CCDC42: variants seen among roughly 807,000 people sequenced by gnomAD.
CCDC42 encodes the protein coiled-coil domain containing 42.
CCDC42 carries 38 observed loss-of-function variants against 40.8 expected under a neutral mutation model. The observed-to-expected ratio is 0.93, with a 90% confidence interval of 0.72 to 1.22. The LOEUF is 1.22. CCDC42 is among the 50% of genes most tolerant of loss of function. The probability of loss-of-function intolerance (pLI) is 0.00; values close to 1 mark genes in which losing one functional copy is unlikely to be tolerated. For synonymous variants in CCDC42, 135 were observed against 157.5 expected, an observed-to-expected ratio of 0.86 and a Z score of 1.07; for missense variants, 379 against 416.5, an observed-to-expected ratio of 0.91 and a Z score of 0.78.
chr17:8,735,343 C>T lies in CCDC42; in HGVS notation c.714+47G>A, dbSNP rs777362328. 27 of 1,611,126 alleles carry T rather than the reference C, an allele frequency of 1.7e-5. No homozygotes were observed. Among genetic ancestry groups the T allele is most frequent in the Middle Eastern group, 1.6e-4 (1 of 6,064 alleles). ...TGTGTGTGTGTATGCTCAGGGCCCG[C>T]ACTCACCCAGTGCCTGGGAGCCCCC... On this transcript the variant is annotated intron_variant, in intron 5 of 6. Transcript: ENST00000293845. This position sits in a 1 kb window ranked among gnomAD's most constrained non-coding sequence, Gnocchi z 4.7.
At position 8,735,218 on chromosome 17, in the gene CCDC42, T is replaced by A. The variant is rs780725519; in HGVS notation, c.751A>T (p.Lys251Ter). 85 of 1,613,992 alleles carry A rather than the reference T, an allele frequency of 5.3e-5. No individual in the cohort carries two copies. The highest frequency in any genetic ancestry group is 3.2e-4 in the Admixed American group (19 of 60,000). Residue 251 changes from lysine to a stop codon, truncating the protein, a stop_gained, in exon 6 of 7, where the codon AAG (lysine) becomes TAG (stop). Coordinates refer to ENST00000293845, the MANE Select transcript of CCDC42 (RefSeq NM_144681.3). LOFTEE classifies it high-confidence loss of function. The surrounding 1 kb of genome is among the most constrained non-coding windows in gnomAD (Gnocchi z 4.7). ...ATGGTGCCAAGCAGGAGGGTCTTCT[T>A]GGCTGCGGTGTTCTGGATGTGCGCC... ...RWAHIQNTAA[K>*]KTLLLGTIKM...
chr17:8,739,699 C>T (rs753033374), intron 4 of CCDC42, among the ~76,000 whole-genome samples: 8 of 152,150 alleles, frequency 5.3e-5, no homozygotes, highest in Non-Finnish European at 1.0e-4. Flanking sequence ...CTTGCCATCA[C>T]GGCCAGCTAG....
intron 6 of CCDC42, among the ~76,000 whole-genome samples, chr17:8,732,297 TCAA>T (rs1301501130): frequency 3.4e-5 from 1 of 29,650 alleles, no homozygotes; most frequent in African/African-American, 1.7e-4. Context: ...AGACTCCGTC[TCAA>T]AAAAAAAAAA....
chr17:8,730,229 CG>C (rs2086571780), intron 6 of CCDC42, 22 bp from the exon 7 acceptor site: 1 of 1,600,640 alleles, frequency 6.2e-7, no homozygotes, highest in African/African-American at 1.3e-5. Flanking sequence ...AGGAGCCCAG[CG>C]TTAACTCCGC....
intron 6 of CCDC42, among the ~76,000 whole-genome samples, chr17:8,734,811 G>A (rs977766447): frequency 6.6e-6 from 1 of 152,150 alleles, no homozygotes; most frequent in Non-Finnish European, 1.5e-5. Flanking sequence ...AAAGGGTTTC[G>A]GTGCTAATGC....
chr17:8,734,581 TC>T (rs562645172), intron 6 of CCDC42, among the ~76,000 whole-genome samples: 197 of 151,982 alleles, frequency 1.3e-3, no homozygotes, highest in African/African-American at 4.6e-3. Context: ...GGCCTGGAAC[TC>T]CCAACCTCAG....
intron 4 of CCDC42, among the ~76,000 whole-genome samples, chr17:8,738,466 T>G (rs2086624205): frequency 1.7e-5 from 1 of 57,214 alleles, no homozygotes; most frequent in African/African-American, 5.3e-5. Flanking sequence ...GATTTGAGAT[T>G]TTTTTTTTTT....
At chr17:8,730,779 G>A (rs143932724) in intron 6 of CCDC42, among the ~76,000 whole-genome samples, 13 of 152,302 alleles carry the variant, frequency 8.5e-5, no homozygotes, top group Non-Finnish European at 1.8e-4. Flanking sequence ...GGTGATGTAT[G>A]AAGTCCAGGC....
rs73977407 is a variant in CCDC42, at chr17:8,743,966, C to T, written c.189+113G>A. On this transcript the variant is annotated intron_variant, in intron 2 of 6. Transcript: ENST00000293845. ...AGAGACCAGATCACCATAGAGGACT[C>T]CTGGCTCTAGCCACCCCACTCAGAC... 16 of 818,584 alleles carry T rather than the reference C, an allele frequency of 2.0e-5. No individual in the cohort carries two copies. In the South Asian group the frequency reaches 2.5e-4, roughly 13 times the overall value. The allele number at this position is 818,584 out of a possible 1,614,324, so 50.7% of individuals were successfully genotyped here.
Position 8,735,032 on chromosome 17 carries a change from A to G in CCDC42, c.873+64T>C. On this transcript the variant is annotated intron_variant, in intron 6 of 6. Transcript: ENST00000293845. The surrounding 1 kb of genome is among the most constrained non-coding windows in gnomAD (Gnocchi z 4.7). Reference sequence around the variant, plus strand: ...TCTGTCAGGTTCATTCTTCCACCCAACCAACTGGCAACCTCCTCGGCCCAG... The same window carrying G: ...TCTGTCAGGTTCATTCTTCCACCCAGCCAACTGGCAACCTCCTCGGCCCAG... The G allele has an allele frequency of 6.3e-7, 1 of 1,578,284 alleles. No homozygotes were observed. The highest frequency in any genetic ancestry group is 1.1e-5 in the South Asian group (1 of 89,304).
chr17:8,743,738 GT>G lies in CCDC42; in HGVS notation c.190-9del, dbSNP rs1363831523. ...CATTCTGCGCTGAAACATCTTTGGG[GT>G]GGGGGTGGGAGAGCAGAGAGGTCAG... On this transcript the variant is annotated splice_polypyrimidine_tract_variant and intron_variant, in intron 2 of 6. Transcript: ENST00000293845. 1.9e-5 allele frequency: 29 copies of G among 1,528,140 alleles called. No individual in the cohort carries two copies. Among genetic ancestry groups the G allele is most frequent in the Non-Finnish European group, 2.5e-5 (28 of 1,102,230 alleles). 94.7% of individuals were successfully genotyped at this position (1,528,140 alleles called of 1,614,324 possible).
In CCDC42 at chr17:8,744,726, G is replaced by A. The variant is rs1478322831; in HGVS notation, c.-117C>T. 2 of 714,424 alleles carry A rather than the reference G, an allele frequency of 2.8e-6. No individual in the cohort carries two copies. Among genetic ancestry groups the A allele is most frequent in the African/African-American group, 3.5e-5 (2 of 57,954 alleles). 44.3% of individuals were successfully genotyped at this position (714,424 alleles called of 1,614,324 possible). ...CTCTTGTTTCTCCCTTCGGCCTACAGGGTCCCACAGATGATGGAGTTTGAG... is the reference window on the plus strand; with the variant it reads ...CTCTTGTTTCTCCCTTCGGCCTACAAGGTCCCACAGATGATGGAGTTTGAG... On this transcript the variant is annotated 5_prime_UTR_variant, in exon 1 of 7. Coordinates refer to ENST00000293845, the MANE Select transcript of CCDC42 (RefSeq NM_144681.3).
chr17:8,743,481 G>C (rs144344594), intron 3 of CCDC42, 145 bp downstream of exon 3: 31 of 653,384 alleles, frequency 4.7e-5, no homozygotes, highest in Non-Finnish European at 8.5e-5. Context: ...AGGACGCCTA[G>C]GGACATGCCA....
At chr17:8,744,341 T>C (rs1417462039) in intron 1 of CCDC42, among the ~76,000 whole-genome samples, 157 bp from the exon 2 acceptor site, 44 of 151,948 alleles carry the variant, frequency 2.9e-4, no homozygotes. Flanking sequence ...TAGAGGGCCA[T>C]GCAGGAGTGA....
chr17:8,730,108 A>T lies in CCDC42; in HGVS notation c.*22T>A. ...TCTTTCACGATCTCTGTCTCAGGACATTCTGGAACAAGGCTGCCTCCTTAA... is the reference window on the plus strand; with the variant it reads ...TCTTTCACGATCTCTGTCTCAGGACTTTCTGGAACAAGGCTGCCTCCTTAA... On this transcript the variant is annotated 3_prime_UTR_variant, in exon 7 of 7. Coordinates refer to ENST00000293845, the MANE Select transcript of CCDC42 (RefSeq NM_144681.3). 1 of 1,611,008 alleles carries T rather than the reference A, an allele frequency of 6.2e-7. No individual in the cohort carries two copies.
chr17:8,739,052 T>C (rs2151139190), intron 4 of CCDC42, among the ~76,000 whole-genome samples: 1 of 152,294 alleles, frequency 6.6e-6, no homozygotes. Flanking sequence ...GTTGCTGTTA[T>C]GTGTGTCTCT....
At chr17:8,743,976 G>T in intron 2 of CCDC42, 103 bp downstream of exon 2, 2 of 900,992 alleles carry the variant, frequency 2.2e-6, no homozygotes, top group Non-Finnish European at 3.5e-6. Flanking sequence ...CCTGGCTCTA[G>T]CCACCCCACT....
At position 8,735,227 on chromosome 17, in the gene CCDC42, T is replaced by G. The variant is rs1597344284; in HGVS notation, c.742A>C (p.Thr248Pro). ...AGCAGGAGGGTCTTCTTGGCTGCGG[T>G]GTTCTGGATGTGCGCCCAGCGAGAT... ...WESRWAHIQN[T>P]AAKKTLLLGT... Residue 248 changes from threonine to proline, a missense_variant, in exon 6 of 7, where the codon ACC (threonine) becomes CCC (proline). Transcript: ENST00000293845. This position sits in a 1 kb window ranked among gnomAD's most constrained non-coding sequence, Gnocchi z 4.7. 6.2e-7 allele frequency: 1 copy of G among 1,614,066 alleles called. No homozygotes were observed. Among genetic ancestry groups the G allele is most frequent in the East Asian group, 2.2e-5 (1 of 44,872 alleles).
At chr17:8,731,902 C>T (rs913738497) in intron 6 of CCDC42, among the ~76,000 whole-genome samples, 3 of 151,874 alleles carry the variant, frequency 2.0e-5, no homozygotes, top group Admixed American at 6.6e-5. Flanking sequence ...CGGTAGCTCA[C>T]GCCTGTAATC....
Sources: allele counts gnomAD v4.1 joint callset (sites outside exome capture counted in the v4.1 genomes callset), GRCh38; gene constraint gnomAD v4.1.1; non-coding constraint Gnocchi (gnomAD v3.1); transcripts MANE v1.5; gene names NCBI Gene and HGNC (gene_info 2026-07-23, HGNC 2026-07-21).